Variants in PLEC observed in about 807,000 individuals in gnomAD.
The protein encoded by PLEC is hemidesmosomal protein 1.
Under a neutral mutation model 392.8 loss-of-function variants are expected in PLEC, and 216 were observed. The ratio of observed to expected loss-of-function variants is 0.55; its 90% CI spans 0.49 to 0.62. The LOEUF is 0.62. PLEC is among the 20% of genes least tolerant of loss of function. The pLI is 0.00. For missense variants in PLEC, 6,863 were observed against 6,563.4 expected (o/e 1.05, Z -1.58); for synonymous variants, 3,621 against 2,980.6 (o/e 1.21, Z -7.00).
chr8:143,955,185 CAG>C (rs1832524017), upstream of PLEC, among the ~76,000 whole-genome samples: 1 of 152,148 alleles, frequency 6.6e-6, no homozygotes, highest in African/African-American at 2.4e-5. Context: ...GGAATTAAAA[CAG>C]AATTTCAGGC....
At chr8:143,953,643 C>CGCCA (rs1832418262), upstream of PLEC, 1 of 1,434,114 alleles carries the variant, frequency 7.0e-7, no homozygotes, top group South Asian at 1.2e-5. Flanking sequence ...AGACCCTGCC[C>CGCCA]GCCACCCTGC....
Position 143,916,638 on chromosome 8 carries a change from C to T in PLEC, c.13183G>A (p.Gly4395Ser). 1 of 1,610,414 alleles carries T rather than the reference C, an allele frequency of 6.2e-7. No individual in the cohort carries two copies. The highest frequency in any genetic ancestry group is 8.5e-7 in the Non-Finnish European group (1 of 1,179,014). ...GGCGTGTCGGGCTCGATCAAGCCGC[C>T]GGTCAGGTACTGCACCTCCAGGAAG... ...QRFLEVQYLT[G>S]GLIEPDTPGR... Residue 4395 changes from glycine to serine, a missense_variant, in exon 32 of 32, where the codon GGC becomes AGC. Coordinates refer to ENST00000345136, the MANE Select transcript of PLEC (RefSeq NM_201384.3).
In PLEC at chr8:143,925,053, C is replaced by A; in HGVS notation, c.4876G>T (p.Glu1626Ter). 2 of 1,545,636 alleles carry A rather than the reference C, an allele frequency of 1.3e-6. No homozygotes were observed. Among genetic ancestry groups the A allele is most frequent in the East Asian group, 2.4e-5 (1 of 41,516 alleles). Residue 1626 changes from glutamate to a stop codon, truncating the protein, a stop_gained, in exon 31 of 32, where the codon GAG becomes TAG. Transcript: ENST00000345136. LOFTEE classifies it high-confidence loss of function. Reference sequence around the variant, plus strand: ...CAGCGCTCCAGCTCCCGCTCTGCCTCCTCGCGCGCCCGCTCGGCCTCGGCC... The same window carrying A: ...CAGCGCTCCAGCTCCCGCTCTGCCTACTCGCGCGCCCGCTCGGCCTCGGCC... ...QQAEAERARE[E>*]AERELERWQL... is the part of the protein sequence containing the mutation.
Position 143,932,442 on chromosome 8 carries a change from G to A in PLEC, c.1935C>T (p.Ser645=), listed in dbSNP as rs916055245. 5.6e-6 allele frequency: 9 copies of A among 1,612,750 alleles called. No homozygotes were observed. Among genetic ancestry groups the A allele is most frequent in the African/African-American group, 1.3e-5 (1 of 75,012 alleles). The change falls in exon 16 of 32, where the codon AGC becomes AGT. Residue 645 remains serine (S), a synonymous_variant. Coordinates refer to ENST00000345136, the MANE Select transcript of PLEC (RefSeq NM_201384.3). ...KEEEEVGFDW[S]DRNTNMTAKK... is the part of the protein sequence containing the mutation. Reference sequence around the variant, plus strand: ...TGGCGGTCATGTTGGTGTTGCGGTCGCTCCAGTCGAAGCCCACCTCCTCCT... The same window carrying A: ...TGGCGGTCATGTTGGTGTTGCGGTCACTCCAGTCGAAGCCCACCTCCTCCT...
rs1403385997 is a variant in PLEC at position 143,932,297 on chromosome 8, CAA to C, written c.1978-65_1978-64del. On this transcript the variant is annotated intron_variant, in intron 16 of 31. Transcript: ENST00000345136. ...ACACCCGGCTCTGCCACGCTCCCAG[CAA>C]ACTCGACCCAGGGCCCCCACTGGTC... 7.0e-5 allele frequency: 113 copies of C among 1,607,798 alleles called. 2 individuals carry two copies. In the South Asian group the frequency reaches 1.1e-3, roughly 16 times the overall value.
In PLEC at chr8:143,933,316, C is replaced by T; in HGVS notation, c.1299G>A (p.Gln433=). 1 of 1,612,748 alleles carries T rather than the reference C, an allele frequency of 6.2e-7. No individual in the cohort carries two copies. The highest frequency in any genetic ancestry group is 8.5e-7 in the Non-Finnish European group (1 of 1,179,974). ...VRLLAAGKVP[Q]RAGEVERDLD... is the part of the protein sequence containing the mutation. ...AGTCCCGTTCCACCTCCCCCGCCCG[C>T]TGTGGCACTTTGCCTGCAGCCAGCA... The change falls in exon 13 of 32, where the codon CAG becomes CAA. Residue 433 remains glutamine, a synonymous_variant. Coordinates refer to ENST00000345136, the MANE Select transcript of PLEC (RefSeq NM_201384.3).
chr8:143,973,522 G>A lies in PLEC; in HGVS notation c.-50C>T. On this transcript the variant is annotated 5_prime_UTR_variant, in exon 1 of 32. Transcript: ENST00000356346. This position sits in a 1 kb window ranked among gnomAD's most constrained non-coding sequence, Gnocchi z 5.6. ...GCAGCGGAGCCTCCAGCACCCGGCG[G>A]CCACTCTGTCCCCGCGGCCGCGCGC... is the stretch of plus-strand genomic sequence containing the variant. 3.8e-6 allele frequency: 5 copies of A among 1,301,004 alleles called. No homozygotes were observed. Among genetic ancestry groups the A allele is most frequent in the Non-Finnish European group, 4.9e-6 (5 of 1,015,004 alleles). The allele number at this position is 1,301,004 out of a possible 1,614,324, so 80.6% of individuals were successfully genotyped here.
At chr8:143,934,482 G>C in intron 10 of PLEC, 37 bp from the exon 11 acceptor site, 2 of 1,608,614 alleles carry the variant, frequency 1.2e-6, no homozygotes, top group Non-Finnish European at 1.7e-6. Flanking sequence ...CTATAGGCAG[G>C]GGGCAGGGGG....
chr8:143,927,239 G>C lies in PLEC; in HGVS notation c.3840+13C>G. On this transcript the variant is annotated intron_variant, in intron 28 of 31. Transcript: ENST00000345136. ...CCCGGACTTGGGGCCTGGTGCAGGC[G>C]GCTGGGCCTCACCTTGATGGCGTTG... 1 of 1,611,516 alleles carries C rather than the reference G, an allele frequency of 6.2e-7. No individual in the cohort carries two copies. Among genetic ancestry groups the C allele is most frequent in the Non-Finnish European group, 8.5e-7 (1 of 1,178,390 alleles).
chr8:143,956,482 G>A (rs544429870), upstream of PLEC, among the ~76,000 whole-genome samples: 5 of 152,308 alleles, frequency 3.3e-5, no homozygotes, highest in South Asian at 2.1e-4. Flanking sequence ...GCAGAAGGAC[G>A]GCTTGAACCA....
In PLEC at chr8:143,922,194, G is replaced by C. The variant is rs1554688769; in HGVS notation, c.7627C>G (p.Gln2543Glu). ...CTGGCCACCAGCCGCTGCCGTTCCT[G>C]CTCCATCTGCTGCTGCTGCCGCTGC... ...EQQRQQQQMEQERQRLVASME... is the reference protein window; with the variant it reads ...EQQRQQQQMEEERQRLVASME... Residue 2543 changes from glutamine to glutamate, a missense_variant, in exon 32 of 32, where the codon CAG becomes GAG. By Grantham distance (29) the Gln-to-Glu change is conservative. Transcript: ENST00000345136. 1.9e-6 allele frequency: 3 copies of C among 1,549,902 alleles called. No homozygotes were observed. In the African/African-American group the frequency reaches 4.1e-5, roughly 21 times the overall value.
rs200798987 is a variant in PLEC, at chr8:143,934,727, G to T, written c.949C>A (p.Leu317Met). 4.3e-6 allele frequency: 7 copies of T among 1,612,434 alleles called. No individual in the cohort carries two copies. The East Asian group carries it at 1.6e-4, about 36-fold the overall frequency. The change falls in exon 10 of 32, where the codon CTG becomes ATG. Residue 317 changes from leucine to methionine, a missense_variant. Leu to Met is a conservative substitution (Grantham distance 15). Coordinates refer to ENST00000345136, the MANE Select transcript of PLEC (RefSeq NM_201384.3). Reference sequence around the variant, plus strand: ...TTAAACTTCAGGAACTGAGACCACAGGATCTGCCAGGGACGAGGCTGTCGG... The same window carrying T: ...TTAAACTTCAGGAACTGAGACCACATGATCTGCCAGGGACGAGGCTGTCGG... ...FPSSFEEIEI[L>M]WSQFLKFKEM...
Position 143,916,678 on chromosome 8 carries a change from G to A in PLEC, c.13143C>T (p.Tyr4381=), listed in dbSNP as rs567784072. The A allele has an allele frequency of 1.8e-5, 29 of 1,611,920 alleles. No individual in the cohort carries two copies. The highest frequency in any genetic ancestry group is 8.3e-5 in the Admixed American group (5 of 60,004). ...CCTCCAGGAAGCGCTGGCCGGCCTC[G>A]TAGTAGAGCCAGCCCTTCTTCAGGG... ...AQALKKGWLY[Y]EAGQRFLEVQ... The change falls in exon 32 of 32, where the codon TAC becomes TAT. Residue 4381 remains tyrosine, a synonymous_variant. Coordinates refer to ENST00000345136, the MANE Select transcript of PLEC (RefSeq NM_201384.3).
At chr8:143,944,808 TG>T in intron 1 of PLEC, 1 of 854,050 alleles carries the variant, frequency 1.2e-6, no homozygotes, top group Non-Finnish European at 1.6e-6. Context: ...CAGCAGCTTG[TG>T]GGGGAGGGGA....
Position 143,925,071 on chromosome 8 carries a change from C to T in PLEC, c.4858G>A (p.Ala1620Thr). The T allele has an allele frequency of 2.6e-6, 4 of 1,539,956 alleles. No individual in the cohort carries two copies. Among genetic ancestry groups the T allele is most frequent in the Non-Finnish European group, 3.5e-6 (4 of 1,149,468 alleles). Residue 1620 changes from alanine to threonine, a missense_variant, in exon 31 of 32, where the codon GCC becomes ACC. Transcript: ENST00000345136. ...AERRAQQQAE[A>T]ERAREEAERE... ...TCTGCCTCCTCGCGCGCCCGCTCGG[C>T]CTCGGCCTGCTGCTGTGCCCGCCGC...
At position 143,919,809 on chromosome 8, in the gene PLEC, C is replaced by T. The variant is rs1554679577; in HGVS notation, c.10012G>A (p.Val3338Ile). ...FEQLKDGKTT[V>I]KDLSELGSVR... ...GAGCCCAGCTCCGAAAGGTCCTTGA[C>T]CGTCGTCTTGCCGTCCTTGAGCTGC... The change falls in exon 32 of 32, where the codon GTC becomes ATC. Residue 3338 changes from valine to isoleucine, a missense_variant. Transcript: ENST00000345136. 2 of 1,612,930 alleles carry T rather than the reference C, an allele frequency of 1.2e-6. No homozygotes were observed. The highest frequency in any genetic ancestry group is 1.3e-5 in the African/African-American group (1 of 74,946).
At position 143,930,447 on chromosome 8, in the gene PLEC, G is replaced by A; in HGVS notation, c.2394C>T (p.His798=). Reference sequence around the variant, plus strand: ...GGCGGCCCCGCATGGGGTGGGCTGGGTGGCGGGGCTTCAGCTGCACGACGG... The same window carrying A: ...GGCGGCCCCGCATGGGGTGGGCTGGATGGCGGGGCTTCAGCTGCACGACGG... The part of the protein sequence containing the change: ...AKAVVQLKPR[H]PAHPMRGRLP... Residue 798 remains histidine (H), a synonymous_variant, in exon 20 of 32, where the codon CAC becomes CAT. Transcript: ENST00000345136. The A allele has an allele frequency of 6.3e-7, 1 of 1,578,280 alleles. No homozygotes were observed. Among genetic ancestry groups the A allele is most frequent in the Non-Finnish European group, 8.6e-7 (1 of 1,162,884 alleles).
At chr8:143,941,874 G>A (rs1207680101), upstream of PLEC, among the ~76,000 whole-genome samples, 3 of 152,130 alleles carry the variant, frequency 2.0e-5, no homozygotes, top group African/African-American at 7.2e-5. Context: ...CTGACCCTCG[G>A]CCGCCAGCCC....
rs782221903 is a variant in PLEC, at chr8:143,917,273, ATGG to A, written c.12545_12547del (p.Thr4182del). 1.9e-6 allele frequency: 3 copies of A among 1,610,284 alleles called. No individual in the cohort carries two copies. Among genetic ancestry groups the A allele is most frequent in the Non-Finnish European group, 1.7e-6 (2 of 1,178,612 alleles). ...CTTGACCACGCCGTCCGAGGAGGAG[ATGG>A]TGATCTCCTCCCACTCGCACTCCTG... On this transcript the variant is annotated inframe_deletion, in exon 32 of 32. Transcript: ENST00000345136.
Sources: allele counts gnomAD v4.1 joint callset (sites outside exome capture counted in the v4.1 genomes callset), GRCh38; gene constraint gnomAD v4.1.1; non-coding constraint Gnocchi (gnomAD v3.1); transcripts MANE v1.5; gene names NCBI Gene and HGNC (gene_info 2026-07-23, HGNC 2026-07-21).